Variants in DST observed in about 807,000 individuals in gnomAD.
DST encodes the protein dystonin, also known as bullous pemphigoid antigen.
A neutral mutation model predicts 875.2 loss-of-function variants in DST; 253 were observed. The ratio of observed to expected loss-of-function variants is 0.29; its 90% CI spans 0.26 to 0.32. The LOEUF (loss-of-function observed/expected upper bound fraction) is 0.32, where lower values mean the gene tolerates loss of function less well. Ranked by LOEUF, DST falls within the 10% of genes least tolerant of loss-of-function variation. The probability of loss-of-function intolerance (pLI) is 1.00; values close to 1 mark genes in which losing one functional copy is unlikely to be tolerated. For synonymous variants in DST, 3,124 were observed against 3,197.1 expected (o/e 0.98, Z 0.77); for missense variants, 8,287 against 9,111.6 (o/e 0.91, Z 3.68).
chr6:56,497,151 A>G (rs2095941427), intron 82 of DST, among the ~76,000 whole-genome samples: 1 of 152,028 alleles, frequency 6.6e-6, no homozygotes, highest in Admixed American at 6.6e-5. Context: ...GTACCCTAAA[A>G]CTTAAAGTAT....
At chr6:56,783,080 T>C (rs548591771) in intron 4 of DST, among the ~76,000 whole-genome samples, 1 of 152,328 alleles carries the variant, frequency 6.6e-6, no homozygotes, top group East Asian at 1.9e-4. Context: ...TGCACTGTGG[T>C]CTGAGAGACA....
rs2095249890 is a variant in DST at position 56,477,554 on chromosome 6, T to C, written c.21532-66A>G. 5 of 1,590,728 alleles carry C rather than the reference T, an allele frequency of 3.1e-6. No individual in the cohort carries two copies. In the South Asian group the frequency reaches 4.5e-5, roughly 14 times the overall value. The stretch of plus-strand genomic sequence containing the variant: ...GCTGAAAACAAAACTCTGGTGGCAT[T>C]TGTTTGACTGCCAGAATTAAACAAA... On this transcript the variant is annotated intron_variant, in intron 90 of 103. Coordinates refer to ENST00000680361, the MANE Select transcript of DST (RefSeq NM_001374736.1).
Position 56,572,999 on chromosome 6 carries a change from T to C in DST, c.13302A>G (p.Lys4434=). The C allele has an allele frequency of 1.2e-6, 2 of 1,606,792 alleles. No homozygotes were observed. Among genetic ancestry groups the C allele is most frequent in the South Asian group, 2.2e-5 (2 of 89,478 alleles). ...SINAMNEKVK[K]FMETTDPSTA... is the part of the protein sequence containing the mutation. ...TGGATGGATCTGTTGTTTCCATAAA[T>C]TTCTTCACTTTTTCATTCATGGCAT... The change falls in exon 52 of 104, where the codon AAA becomes AAG. Residue 4434 remains lysine, a synonymous_variant. Coordinates refer to ENST00000680361, the MANE Select transcript of DST (RefSeq NM_001374736.1).
rs567806077 is a variant in DST, at chr6:56,598,178, T to C, written c.11929-172A>G. On this transcript the variant is annotated intron_variant, in intron 46 of 103. Coordinates refer to ENST00000680361, the MANE Select transcript of DST (RefSeq NM_001374736.1). ...AACCTCAGAGCAACAGGCAGTTACT[T>C]TGAAGTTTCCCCTGTTCTTAAAAAT... 1.4e-4 allele frequency among the ~76,000 whole-genome samples: 22 copies of C among 152,344 alleles called. No individual in the cohort carries two copies. In the South Asian group the frequency reaches 1.4e-3, roughly 10 times the overall value.
chr6:56,940,393 C>A (rs1344880591), intron 2 of DST, among the ~76,000 whole-genome samples: 1 of 151,980 alleles, frequency 6.6e-6, no homozygotes, highest in Non-Finnish European at 1.5e-5. Flanking sequence ...AAATGTGGTC[C>A]ATAAACCTCT....
At chr6:56,663,471 C>CA (rs1158088128) in intron 10 of DST, among the ~76,000 whole-genome samples, 3 of 152,258 alleles carry the variant, frequency 2.0e-5, no homozygotes, top group African/African-American at 7.2e-5. Context: ...CATACACCCT[C>CA]ATACCTCTGG....
chr6:56,696,437 C>G (rs1332946047), intron 9 of DST, among the ~76,000 whole-genome samples: 1 of 152,168 alleles, frequency 6.6e-6, no homozygotes, highest in Non-Finnish European at 1.5e-5. Flanking sequence ...GCTGGGATTA[C>G]AGGTGTGAGC....
At chr6:56,654,586 CTATATA>C (rs138507484) in intron 10 of DST, among the ~76,000 whole-genome samples, 11 of 133,298 alleles carry the variant, frequency 8.3e-5, no homozygotes, top group African/African-American at 3.8e-4. Flanking sequence ...CTCCCCTAGG[CTATATA>C]TATATATATA....
rs1480884584 is a variant in DST, at chr6:56,703,698, C to T, written c.826G>A (p.Glu276Lys). ...LKTLRLVSAT[E>K]ACEYEQHEDV... is the part of the protein sequence containing the mutation. The stretch of plus-strand genomic sequence containing the variant: ...TCATGCTGTTCATATTCGCATGCTT[C>T]TGTTGCACTCACCAATCGTAAGGTC... Residue 276 changes from glutamate (E) to lysine (K), a missense_variant, in exon 7 of 104, where the codon GAA (glutamate) becomes AAA (lysine). Around this residue, in one of 10 missense-constraint regions of DST, gnomAD observed 1,160 missense variants for 1,424.3 expected, o/e 0.81. Coordinates refer to ENST00000680361, the MANE Select transcript of DST (RefSeq NM_001374736.1). The T allele has an allele frequency of 1.0e-6, 1 of 985,230 alleles. No homozygotes were observed. Among genetic ancestry groups the T allele is most frequent in the Non-Finnish European group, 1.2e-6 (1 of 829,914 alleles). 61.0% of individuals were successfully genotyped at this position (985,230 alleles called of 1,614,324 possible). A position where few individuals can be genotyped will look rare whatever the true frequency, so the allele number is the denominator to read the frequency against.
chr6:56,935,631 A>C (rs547572853), intron 2 of DST, among the ~76,000 whole-genome samples: 1 of 152,232 alleles, frequency 6.6e-6, no homozygotes, highest in Admixed American at 6.5e-5. Flanking sequence ...CAGAAAATAT[A>C]AAGAATAATG....
chr6:56,765,560 G>A (rs1207854009), intron 4 of DST, among the ~76,000 whole-genome samples: 1 of 152,210 alleles, frequency 6.6e-6, no homozygotes, highest in African/African-American at 2.4e-5. Context: ...GTGCAGAGGT[G>A]AGATATGCAA....
chr6:56,951,821 C>A (rs1343381591), intron 2 of DST, among the ~76,000 whole-genome samples: 1 of 152,112 alleles, frequency 6.6e-6, no homozygotes, highest in Non-Finnish European at 1.5e-5. Flanking sequence ...AACTCCAGGG[C>A]AATTTTTAAA....
chr6:56,894,926 C>T (rs1790329131), intron 3 of DST, among the ~76,000 whole-genome samples: 1 of 68,454 alleles, frequency 1.5e-5, no homozygotes, highest in Admixed American at 1.1e-4. Context: ...CCAGTAGGGG[C>T]GGCCGGGCAG....
intron 85 of DST, among the ~76,000 whole-genome samples, chr6:56,491,843 A>G (rs1030776306): frequency 6.6e-6 from 1 of 152,188 alleles, no homozygotes; most frequent in Non-Finnish European, 1.5e-5. Flanking sequence ...GAACTAAACA[A>G]AAGGTAGCAA....
At chr6:56,912,872 T>C (rs961939055) in intron 2 of DST, among the ~76,000 whole-genome samples, 2 of 152,210 alleles carry the variant, frequency 1.3e-5, no homozygotes, top group African/African-American at 2.4e-5. Context: ...CATCACCAAG[T>C]TGCAAGGGAA....
At chr6:56,528,343 G>A (rs1203029575) in intron 67 of DST, among the ~76,000 whole-genome samples, 1 of 152,060 alleles carries the variant, frequency 6.6e-6, no homozygotes, top group African/African-American at 2.4e-5. Flanking sequence ...TATGGCCAAA[G>A]GAATCACTAA....
intron 4 of DST, among the ~76,000 whole-genome samples, chr6:56,765,091 A>G (rs985582149): frequency 6.6e-6 from 1 of 152,180 alleles, no homozygotes; most frequent in Non-Finnish European, 1.5e-5. Context: ...AAGAGTAGGA[A>G]TAACTTATTC....
intron 4 of DST, among the ~76,000 whole-genome samples, chr6:56,753,533 A>G (rs1413801608): frequency 6.6e-6 from 1 of 152,246 alleles, no homozygotes; most frequent in Non-Finnish European, 1.5e-5. Context: ...CTAAAAAGAA[A>G]TAATGAATGT....
chr6:56,574,742 C>A (rs1479213036), intron 50 of DST, among the ~76,000 whole-genome samples: 2 of 151,924 alleles, frequency 1.3e-5, no homozygotes, highest in Non-Finnish European at 2.9e-5. Context: ...AAAGTTTGAA[C>A]AATGGTTTTT....
Sources: allele counts gnomAD v4.1 joint callset (sites outside exome capture counted in the v4.1 genomes callset), GRCh38; gene constraint gnomAD v4.1.1; regional missense constraint gnomAD v4.1.1; transcripts MANE v1.5; gene names NCBI Gene and HGNC (gene_info 2026-07-23, HGNC 2026-07-21).